Variants in SGCD observed in about 807,000 individuals in gnomAD.
SGCD encodes the protein sarcoglycan delta, also known as delta-sarcoglycan.
In SGCD, 18 loss-of-function variants were observed where a neutral mutation model predicts 36.6. The ratio of observed to expected loss-of-function variants is 0.49; its 90% CI spans 0.34 to 0.73. SGCD has a LOEUF of 0.73. Ranked by LOEUF, SGCD falls within the 30% of genes least tolerant of loss-of-function variation. SGCD has a pLI of 0.01. For missense variants in SGCD, 387 were observed against 346.7 expected (o/e 1.12, Z -0.92); for synonymous variants, 133 against 130.6 (o/e 1.02, Z -0.12).
chr5:156,604,276 G>A (rs1282897855), intron 6 of SGCD, among the ~76,000 whole-genome samples: 1 of 151,604 alleles, frequency 6.6e-6, no homozygotes, highest in Non-Finnish European at 1.5e-5. Flanking sequence ...TTTCATCTAT[G>A]TGTTTAATAA....
chr5:155,912,308 A>G (rs1423723984), intron 1 of SGCD, among the ~76,000 whole-genome samples: 1 of 152,124 alleles, frequency 6.6e-6, no homozygotes, highest in African/African-American at 2.4e-5. Context: ...AAGCACTACT[A>G]GTGTTTGTTA....
intron 1 of SGCD, among the ~76,000 whole-genome samples, chr5:155,931,636 A>G (rs1191193428): frequency 6.6e-6 from 1 of 152,202 alleles, no homozygotes; most frequent in Non-Finnish European, 1.5e-5. Flanking sequence ...AATTAACGTA[A>G]GCAAGTATTC....
intron 3 of SGCD, among the ~76,000 whole-genome samples, chr5:156,441,792 A>G (rs1753503001): frequency 6.6e-6 from 1 of 152,186 alleles, no homozygotes; most frequent in South Asian, 2.1e-4. Flanking sequence ...GCTCTCTGCA[A>G]TTTATTATTA....
At chr5:156,109,775 A>G (rs1761740330) in intron 1 of SGCD, among the ~76,000 whole-genome samples, 1 of 152,074 alleles carries the variant, frequency 6.6e-6, no homozygotes, top group Admixed American at 6.6e-5. Context: ...TGATCCCACA[A>G]TGTCTTGTAC....
intron 3 of SGCD, among the ~76,000 whole-genome samples, chr5:156,251,697 G>A (rs1309567167): frequency 6.6e-6 from 1 of 151,872 alleles, no homozygotes; most frequent in Non-Finnish European, 1.5e-5. Context: ...TGTATTTTTA[G>A]TAGAGACTGG....
intron 2 of SGCD, among the ~76,000 whole-genome samples, chr5:156,337,215 G>T (rs112013628): frequency 1.3e-5 from 2 of 152,150 alleles, no homozygotes; most frequent in East Asian, 3.8e-4. Context: ...TCTAGAAACT[G>T]TAATGAGCCT....
At chr5:155,993,627 G>A (rs146667579) in intron 1 of SGCD, among the ~76,000 whole-genome samples, 10 of 152,174 alleles carry the variant, frequency 6.6e-5, no homozygotes, top group Admixed American at 5.9e-4. Context: ...TTACTGGCAT[G>A]AGCCACTGTG....
chr5:155,976,439 G>A (rs181013524), intron 1 of SGCD, among the ~76,000 whole-genome samples: 1 of 152,158 alleles, frequency 6.6e-6, no homozygotes, highest in Non-Finnish European at 1.5e-5. Flanking sequence ...AGGATTCCAA[G>A]TTATGTATAA....
intron 3 of SGCD, chr5:156,393,815 G>T (rs759812196): frequency 2.0e-5 from 9 of 456,162 alleles, no homozygotes; most frequent in Non-Finnish European, 3.5e-5. Flanking sequence ...GCTGAGAGGA[G>T]CCAGAACCAG....
intron 3 of SGCD, among the ~76,000 whole-genome samples, chr5:156,254,220 C>T (rs1034872849): frequency 1.3e-5 from 2 of 152,088 alleles, no homozygotes; most frequent in African/African-American, 4.8e-5. Context: ...ATGATGTATG[C>T]TCTAGACATT....
At chr5:155,943,236 C>A (rs901772646) in intron 1 of SGCD, among the ~76,000 whole-genome samples, 9 of 152,120 alleles carry the variant, frequency 5.9e-5, no homozygotes, top group Admixed American at 5.9e-4. Flanking sequence ...CATGCTATTG[C>A]ATATAAAATG....
intron 6 of SGCD, among the ~76,000 whole-genome samples, chr5:156,607,692 G>A (rs145855588): frequency 0.027 from 2,480 of 92,568 alleles, 70 homozygotes; most frequent in African/African-American, 0.097. Flanking sequence ...TCTTTTGTTT[G>A]GTAGGCTATT....
At chr5:156,595,623 T>C (rs144356060) in intron 6 of SGCD, among the ~76,000 whole-genome samples, 105 of 152,336 alleles carry the variant, frequency 6.9e-4, no homozygotes, top group Middle Eastern at 6.8e-3. Flanking sequence ...TGTGTGAAAA[T>C]GAGTGCTCAT....
intron 1 of SGCD, among the ~76,000 whole-genome samples, chr5:156,041,417 C>T (rs534032356): frequency 8.3e-4 from 126 of 152,224 alleles, no homozygotes; most frequent in Non-Finnish European, 1.2e-3. Context: ...CCGATACTTC[C>T]GAAAGGCAGA....
chr5:156,320,103 G>A (rs1398103253), intron 3 of SGCD, among the ~76,000 whole-genome samples: 8 of 144,612 alleles, frequency 5.5e-5, no homozygotes. Context: ...TGATATGTGT[G>A]TGTGTGTGTG....
At chr5:156,487,372 C>A (rs1192694065) in intron 3 of SGCD, among the ~76,000 whole-genome samples, 1 of 152,116 alleles carries the variant, frequency 6.6e-6, no homozygotes, top group Non-Finnish European at 1.5e-5. Context: ...CCTATGGTAG[C>A]CAAGACATAA....
intron 2 of SGCD, among the ~76,000 whole-genome samples, chr5:156,342,693 C>T (rs1261558622): frequency 6.6e-6 from 1 of 152,216 alleles, no homozygotes; most frequent in African/African-American, 2.4e-5. Flanking sequence ...GATCCTCTTA[C>T]ACCACAAATC....
chr5:155,953,160 C>A (rs991630765), intron 1 of SGCD, among the ~76,000 whole-genome samples: 3 of 152,070 alleles, frequency 2.0e-5, no homozygotes, highest in Non-Finnish European at 2.9e-5. Flanking sequence ...TGATTTTAGC[C>A]GTCTGTTCCT....
the SGCD span, among the ~76,000 whole-genome samples, chr5:155,795,479 A>C: frequency 6.6e-6 from 1 of 152,152 alleles, no homozygotes; most frequent in Non-Finnish European, 1.5e-5. Context: ...ATTATTAAAG[A>C]GTGCATATTT....
Sources: allele counts gnomAD v4.1 joint callset (sites outside exome capture counted in the v4.1 genomes callset), GRCh38; gene constraint gnomAD v4.1.1; transcripts MANE v1.5; gene names NCBI Gene and HGNC (gene_info 2026-07-23, HGNC 2026-07-21).